Variants in HIRA observed in about 807,000 individuals in gnomAD.
HIRA encodes histone cell cycle regulator.
In HIRA, 13 loss-of-function variants were observed where a neutral mutation model predicts 126.6. That is an observed-to-expected ratio of 0.10 (90% CI 0.07 to 0.16). The LOEUF (loss-of-function observed/expected upper bound fraction) is 0.16, where lower values mean the gene tolerates loss of function less well. Ranked by LOEUF, HIRA falls within the 10% of genes least tolerant of loss-of-function variation. HIRA has a pLI of 1.00. For missense variants in HIRA, 834 were observed against 1,314.4 expected (o/e 0.63, Z 5.65); for synonymous variants, 511 against 520.0 (o/e 0.98, Z 0.24).
In HIRA at chr22:19,408,466, G is replaced by A. The variant is rs772454568; in HGVS notation, c.211+17C>T. On this transcript the variant is annotated intron_variant, in intron 3 of 24. Transcript: ENST00000263208. ...TCTGCCAACACGCAAAGCCTGCAAA[G>A]GGCCACTCTGTAATACCTAAGTGAT... 6 of 1,507,942 alleles carry A rather than the reference G, an allele frequency of 4.0e-6. No individual in the cohort carries two copies. In the South Asian group the frequency reaches 5.6e-5, roughly 14 times the overall value. 93.4% of individuals were successfully genotyped at this position (1,507,942 alleles called of 1,614,324 possible). A position where few individuals can be genotyped will look rare whatever the true frequency, so the allele number is the denominator to read the frequency against.
At chr22:19,420,239 C>G (rs572517509) in intron 1 of HIRA, among the ~76,000 whole-genome samples, 2 of 152,230 alleles carry the variant, frequency 1.3e-5, no homozygotes, top group Non-Finnish European at 2.9e-5. Flanking sequence ...AGGCAGATCA[C>G]TTGCTCTGAG....
chr22:19,383,704 T>C lies in HIRA; in HGVS notation c.1331A>G (p.Asn444Ser), dbSNP rs1167500145. The stretch of plus-strand genomic sequence containing the variant: ...AGTCTCAACTTGTTTCTTCAAAAGA[T>C]TCTGGCAAAGCAGAGTTACATAAAT... Reference protein sequence around the residue: ...NGESLEDIRKNLLKKQVETRT... With the variant: ...NGESLEDIRKSLLKKQVETRT... Residue 444 changes from asparagine to serine, a missense_variant and splice_region_variant, in exon 13 of 25, where the codon AAT becomes AGT. Asn to Ser is a conservative substitution (Grantham distance 46). Transcript: ENST00000263208. The C allele has an allele frequency of 6.2e-7, 1 of 1,613,774 alleles. No homozygotes were observed. Among genetic ancestry groups the C allele is most frequent in the Admixed American group, 1.7e-5 (1 of 60,014 alleles).
intron 1 of HIRA, among the ~76,000 whole-genome samples, chr22:19,419,303 C>T (rs1418576168): frequency 1.3e-5 from 2 of 152,144 alleles, no homozygotes; most frequent in Non-Finnish European, 2.9e-5. Context: ...TGCACAATGG[C>T]CACCCCGCCC....
At chr22:19,390,269 A>C (rs1383191831) in intron 9 of HIRA, among the ~76,000 whole-genome samples, 1 of 152,016 alleles carries the variant, frequency 6.6e-6, no homozygotes, top group Non-Finnish European at 1.5e-5. Context: ...GAGGGCACTG[A>C]GTTAGGAAGG....
Position 19,383,718 on chromosome 22 carries a change from A to C in HIRA, c.1330-13T>G. ...TCTTCAAAAGATTCTGGCAAAGCAG[A>C]GTTACATAAATGAATGCAAAAGTTT... On this transcript the variant is annotated splice_polypyrimidine_tract_variant and intron_variant, in intron 12 of 24. Transcript: ENST00000263208. 6.2e-7 allele frequency: 1 copy of C among 1,609,132 alleles called. No homozygotes were observed. The highest frequency in any genetic ancestry group is 8.5e-7 in the Non-Finnish European group (1 of 1,176,594).
At chr22:19,401,760 G>A (rs993724858) in intron 5 of HIRA, among the ~76,000 whole-genome samples, 1 of 152,090 alleles carries the variant, frequency 6.6e-6, no homozygotes, top group African/African-American at 2.4e-5. Flanking sequence ...TCTGTGTTAT[G>A]ACTCCAAACC....
At chr22:19,397,910 A>G in intron 6 of HIRA, 82 bp downstream of exon 6, 1 of 931,576 alleles carries the variant, frequency 1.1e-6, no homozygotes, top group South Asian at 1.4e-5. Context: ...TGCCACCAAG[A>G]CTAAGGAGAC....
Position 19,361,361 on chromosome 22 carries a change from T to C in HIRA, c.1981-20A>G. 6.2e-7 allele frequency: 1 copy of C among 1,603,110 alleles called. No individual in the cohort carries two copies. The highest frequency in any genetic ancestry group is 1.7e-4 in the Middle Eastern group (1 of 6,048). The stretch of plus-strand genomic sequence containing the variant: ...TGGAGACTGGAAGAGCCAGAAACGT[T>C]CCTGAGCCTTGCTCTAACACTACGG... On this transcript the variant is annotated intron_variant, in intron 16 of 24. Coordinates refer to ENST00000263208, the MANE Select transcript of HIRA (RefSeq NM_003325.4).
intron 2 of HIRA, 108 bp downstream of exon 2, chr22:19,410,608 T>C: frequency 1.3e-6 from 1 of 781,718 alleles, no homozygotes; most frequent in South Asian, 1.5e-5. Context: ...CAGCGTTGCA[T>C]CCATCCTGAA....
chr22:19,409,503 G>A (rs1043413396), intron 2 of HIRA, among the ~76,000 whole-genome samples: 4 of 151,994 alleles, frequency 2.6e-5, no homozygotes, highest in African/African-American at 7.3e-5. Context: ...AGGCTGATTC[G>A]AACTCCTGAC....
At chr22:19,335,558 A>C (rs985100377) in intron 24 of HIRA, among the ~76,000 whole-genome samples, 4 of 152,142 alleles carry the variant, frequency 2.6e-5, no homozygotes, top group African/African-American at 9.7e-5. Flanking sequence ...ACTTTTTTAC[A>C]TTTTGACATT....
At chr22:19,405,403 A>G in intron 5 of HIRA, 2 of 736,574 alleles carry the variant, frequency 2.7e-6, no homozygotes, top group Non-Finnish European at 3.3e-6. Context: ...GGTCAAGTTG[A>G]GAAACTTTTC....
At chr22:19,336,331 A>C (rs1277597337) in intron 24 of HIRA, among the ~76,000 whole-genome samples, 1 of 152,240 alleles carries the variant, frequency 6.6e-6, no homozygotes, top group African/African-American at 2.4e-5. Context: ...GAAATCACAG[A>C]TCCTTTGAAA....
chr22:19,384,474 G>A lies in HIRA; in HGVS notation c.1330-769C>T, dbSNP rs575292184. 3.2e-4 allele frequency among the ~76,000 whole-genome samples: 49 copies of A among 152,122 alleles called. 1 individual carries two copies. The highest frequency in any genetic ancestry group is 1.1e-3 in the African/African-American group (47 of 41,490). ...GGTTTAAAAATAATAAGGCTTCTAA[G>A]GAAATGTATTCTAAATTGCCCTCCT... On this transcript the variant is annotated intron_variant, in intron 12 of 24. Coordinates refer to ENST00000263208, the MANE Select transcript of HIRA (RefSeq NM_003325.4).
At chr22:19,395,927 C>T (rs2089219833) in intron 7 of HIRA, among the ~76,000 whole-genome samples, 1 of 152,106 alleles carries the variant, frequency 6.6e-6, no homozygotes, top group Non-Finnish European at 1.5e-5. Flanking sequence ...ACTCAAATAA[C>T]GGAAGAGAGA....
At chr22:19,416,595 TC>T (rs1287565954) in intron 1 of HIRA, among the ~76,000 whole-genome samples, 4 of 152,108 alleles carry the variant, frequency 2.6e-5, no homozygotes, top group African/African-American at 9.7e-5. Context: ...TACCTTTACG[TC>T]CCAAAGTGCT....
intron 18 of HIRA, 110 bp downstream of exon 18, chr22:19,359,225 TG>T: frequency 8.5e-7 from 1 of 1,174,964 alleles, no homozygotes; most frequent in Non-Finnish European, 1.1e-6. Flanking sequence ...TGAGTCTCTG[TG>T]GGAGCTGGTG....
chr22:19,373,677 A>G (rs2088988942), intron 15 of HIRA, among the ~76,000 whole-genome samples: 1 of 152,158 alleles, frequency 6.6e-6, no homozygotes, highest in South Asian at 2.1e-4. Context: ...TCAAGGGAAG[A>G]CTGTTATCCC....
chr22:19,368,954 G>A (rs2088939587), intron 15 of HIRA, among the ~76,000 whole-genome samples: 2 of 152,168 alleles, frequency 1.3e-5, no homozygotes, highest in Admixed American at 1.3e-4. Context: ...TCTGGGGCCA[G>A]TGGCCCACTG....
Sources: allele counts gnomAD v4.1 joint callset (sites outside exome capture counted in the v4.1 genomes callset), GRCh38; gene constraint gnomAD v4.1.1; transcripts MANE v1.5; gene names NCBI Gene and HGNC (gene_info 2026-07-23, HGNC 2026-07-21).